TBC1D15: variants seen among roughly 807,000 people sequenced by gnomAD.
TBC1D15 encodes the protein TBC1 domain family member 15, also known as GAP for RAB7.
Under a neutral mutation model 95.4 loss-of-function variants are expected in TBC1D15, and 39 were observed. That is an observed-to-expected ratio of 0.41 (90% CI 0.32 to 0.53). The LOEUF (loss-of-function observed/expected upper bound fraction) is 0.53. Ranked by LOEUF, TBC1D15 falls within the 20% of genes least tolerant of loss-of-function variation. TBC1D15 has a pLI of 0.29. For synonymous variants in TBC1D15, 258 were observed against 261.3 expected, an observed-to-expected ratio of 0.99 and a Z score of 0.12; for missense variants, 733 against 794.3, an observed-to-expected ratio of 0.92 and a Z score of 0.93.
intron 1 of TBC1D15, among the ~76,000 whole-genome samples, chr12:71,843,728 A>G (rs1211317345): frequency 6.6e-6 from 1 of 152,096 alleles, no homozygotes; most frequent in Non-Finnish European, 1.5e-5. Context: ...GGTTCATTGC[A>G]GCGCTGACTG....
intron 11 of TBC1D15, chr12:71,907,735 G>A (rs1440178846): frequency 6.6e-6 from 1 of 152,306 alleles, no homozygotes; most frequent in East Asian, 1.9e-4. Flanking sequence ...GAGAAAGTTT[G>A]CAAACCGTTG....
At chr12:71,922,803 AGGT>A (rs1468090460) in intron 16 of TBC1D15, among the ~76,000 whole-genome samples, 177 bp from the exon 17 acceptor site, 10 of 152,172 alleles carry the variant, frequency 6.6e-5, no homozygotes, top group African/African-American at 2.4e-4. Flanking sequence ...TTAGGGCGAA[AGGT>A]GGTTAGCATT....
intron 1 of TBC1D15, among the ~76,000 whole-genome samples, chr12:71,857,109 AT>A (rs1592705589): frequency 6.6e-6 from 1 of 150,944 alleles, no homozygotes; most frequent in East Asian, 1.9e-4. Context: ...TAAATTTATT[AT>A]TTTTTTTCTT....
intron 3 of TBC1D15, among the ~76,000 whole-genome samples, chr12:71,877,762 G>A (rs2138415640): frequency 1.3e-5 from 2 of 152,162 alleles, no homozygotes; most frequent in South Asian, 4.2e-4. Context: ...TCTTATTACT[G>A]AGGAGTTTAA....
chr12:71,923,098 C>T lies in TBC1D15; in HGVS notation c.1919C>T (p.Ala640Val), dbSNP rs1159180304. The T allele has an allele frequency of 6.2e-7, 1 of 1,614,036 alleles. No individual in the cohort carries two copies. The highest frequency in any genetic ancestry group is 1.3e-5 in the African/African-American group (1 of 74,934). ...NVVMTPCPTS[A>V]FQSNALPTLS... ...GTCATGACTCCTTGTCCTACATCTG[C>T]ATTTCAAAGTAATGCCTTGCCTACA... The change falls in exon 17 of 17, where the codon GCA becomes GTA. Residue 640 changes from alanine to valine, a missense_variant. Transcript: ENST00000485960.
At chr12:71,849,398 TC>T in intron 1 of TBC1D15, 2 of 1,380,542 alleles carry the variant, frequency 1.4e-6, no homozygotes, top group Non-Finnish European at 2.1e-6. Flanking sequence ...CTGAGCCACT[TC>T]CCATGAACAT....
intron 1 of TBC1D15, chr12:71,854,416 C>T (rs1160021252): frequency 2.8e-6 from 1 of 363,434 alleles, no homozygotes; most frequent in African/African-American, 2.1e-5. Flanking sequence ...TCTTTTTTCC[C>T]CTTCAATCGT....
At chr12:71,893,853 A>G (rs1388335867) in intron 6 of TBC1D15, among the ~76,000 whole-genome samples, 1 of 151,698 alleles carries the variant, frequency 6.6e-6, no homozygotes, top group East Asian at 1.9e-4. Flanking sequence ...TGGTTTATTC[A>G]TTTATTTATT....
chr12:71,896,532 A>G (rs1898213563), intron 8 of TBC1D15, 145 bp from the exon 9 acceptor site: 1 of 688,084 alleles, frequency 1.5e-6, no homozygotes, highest in Non-Finnish European at 2.4e-6. Flanking sequence ...GAAGTAAAAA[A>G]CAAGATGATA....
chr12:71,877,322 G>A (rs1894097188), intron 3 of TBC1D15, among the ~76,000 whole-genome samples: 1 of 148,928 alleles, frequency 6.7e-6, no homozygotes, highest in African/African-American at 2.5e-5. Context: ...ACATTGTGCT[G>A]GGTACTTGAT....
Position 71,877,206 on chromosome 12 carries a change from G to GTTT in TBC1D15, c.205-3262_205-3261insTTT, listed in dbSNP as rs1405279498. ...GATCCCATGTTATGTGTGTGTGTGT[G>GTTT]TGTGTTTTTTTTTTTTTTAAACCTC... is the stretch of plus-strand genomic sequence containing the variant. On this transcript the variant is annotated intron_variant, in intron 3 of 16. Transcript: ENST00000485960. Among the ~76,000 whole-genome samples the GTTT allele has an allele frequency of 3.6e-5, 5 of 139,558 alleles. No homozygotes were observed. In the South Asian group the frequency reaches 7.0e-4, roughly 20 times the overall value. 91.6% of individuals were successfully genotyped at this position (139,558 alleles called of 152,430 possible).
intron 1 of TBC1D15, among the ~76,000 whole-genome samples, chr12:71,843,286 A>T (rs542134099): frequency 4.8e-4 from 73 of 152,244 alleles, no homozygotes; most frequent in African/African-American, 1.5e-3. Flanking sequence ...AAAGAAAATT[A>T]CTTGAAACAA....
At chr12:71,879,135 C>CTCT (rs1407723099) in intron 3 of TBC1D15, among the ~76,000 whole-genome samples, 1 of 144,642 alleles carries the variant, frequency 6.9e-6, no homozygotes, top group African/African-American at 2.5e-5. Context: ...CTCTCTCTCT[C>CTCT]TTTTTTTTTT....
At chr12:71,845,207 A>C (rs1429302112) in intron 1 of TBC1D15, among the ~76,000 whole-genome samples, 1 of 152,190 alleles carries the variant, frequency 6.6e-6, no homozygotes, top group African/African-American at 2.4e-5. Context: ...TGTAGAGGTA[A>C]AGGGTGAAGT....
In TBC1D15 at chr12:71,884,984, C is replaced by T; in HGVS notation, c.517C>T (p.Leu173=). 1.2e-6 allele frequency: 2 copies of T among 1,613,854 alleles called. No individual in the cohort carries two copies. The highest frequency in any genetic ancestry group is 1.7e-6 in the Non-Finnish European group (2 of 1,179,830). ...LHFHQGDSKL[L]IESLEKYVVL... ...CTTTCATCAAGGAGATAGCAAACTA[C>T]TGATTGAATCTCTTGAAAAATATGT... Residue 173 remains leucine, a synonymous_variant, in exon 5 of 17, where the codon CTG becomes TTG. Transcript: ENST00000485960.
At chr12:71,864,975 T>C (rs756330585) in intron 1 of TBC1D15, among the ~76,000 whole-genome samples, 1 of 152,218 alleles carries the variant, frequency 6.6e-6, no homozygotes. Flanking sequence ...AGTGGTAATG[T>C]CCTTGCTGTC....
intron 10 of TBC1D15, among the ~76,000 whole-genome samples, chr12:71,901,571 T>C (rs1358343002): frequency 6.6e-6 from 1 of 152,084 alleles, no homozygotes; most frequent in Non-Finnish European, 1.5e-5. Flanking sequence ...ATTATGAAAC[T>C]AGATTACCTC....
intron 13 of TBC1D15, 66 bp from the exon 14 acceptor site, chr12:71,918,385 A>T: frequency 9.7e-7 from 1 of 1,026,192 alleles, no homozygotes; most frequent in Non-Finnish European, 1.4e-6. Context: ...GTTAGAGAAA[A>T]GTAACTGTAT....
In TBC1D15 at chr12:71,880,521, G is replaced by A. The variant is rs755345389; in HGVS notation, c.257G>A (p.Arg86Gln). 22 of 1,612,788 alleles carry A rather than the reference G, an allele frequency of 1.4e-5. No homozygotes were observed. The highest frequency in any genetic ancestry group is 4.0e-5 in the African/African-American group (3 of 74,906). ...WTQAPKERGH[R>Q]GSEHLNSYEA... is the part of the protein sequence containing the mutation. ...CAGGCCCCAAAAGAAAGAGGTCATC[G>A]AGGATCAGAACATCTGAACAGTTAC... The change falls in exon 4 of 17, where the codon CGA (arginine) becomes CAA (glutamine). Residue 86 changes from arginine (R) to glutamine (Q), a missense_variant. Arg to Gln is a conservative substitution (Grantham distance 43). Transcript: ENST00000485960.
Sources: allele counts gnomAD v4.1 joint callset (sites outside exome capture counted in the v4.1 genomes callset), GRCh38; gene constraint gnomAD v4.1.1; transcripts MANE v1.5; gene names NCBI Gene and HGNC (gene_info 2026-07-23, HGNC 2026-07-21).